The following NSMCE2 variants were observed in gnomAD, a reference collection of about 807,000 sequenced individuals.
NSMCE2 encodes the protein E3 SUMO-protein ligase NSE2.
In NSMCE2, 24 loss-of-function variants were observed where a neutral mutation model predicts 23.8. The observed-to-expected ratio is 1.01, with a 90% CI of 0.73 to 1.42. NSMCE2 has a LOEUF of 1.42. NSMCE2 is among the 40% of genes most tolerant of loss of function. NSMCE2 has a pLI of 0.00. For synonymous variants in NSMCE2, 92 were observed against 94.1 expected, an observed-to-expected ratio of 0.98 and a Z score of 0.13; for missense variants, 284 against 296.5, an observed-to-expected ratio of 0.96 and a Z score of 0.31.
rs116654617 is a variant in NSMCE2 at position 125,363,939 on chromosome 8, T to G, written c.627-2829T>G. 7.7e-3 allele frequency among the ~76,000 whole-genome samples: 1,166 copies of G among 152,142 alleles called. 11 individuals are homozygous for G. Among genetic ancestry groups the G allele is most frequent in the African/African-American group, 0.027 (1,106 of 41,506 alleles). On this transcript the variant is annotated intron_variant, in intron 7 of 7. Coordinates refer to ENST00000287437, the MANE Select transcript of NSMCE2 (RefSeq NM_173685.4). ...TACCTGAGTATGTAGGGCACTTTTT[T>G]TTTGTTTGTTTTGTTTTGTTTTGAG...
chr8:125,307,245 A>G (rs1828802143), intron 5 of NSMCE2, among the ~76,000 whole-genome samples: 1 of 152,200 alleles, frequency 6.6e-6, no homozygotes, highest in Admixed American at 6.5e-5. Context: ...CTTCTTTCCA[A>G]TCACATGTGC....
intron 3 of NSMCE2, among the ~76,000 whole-genome samples, 160 bp from the exon 4 acceptor site, chr8:125,151,011 T>G (rs924065978): frequency 3.3e-5 from 5 of 152,028 alleles, no homozygotes; most frequent in African/African-American, 1.2e-4. Context: ...TTTTTTTATT[T>G]TTTTTATTTT....
At chr8:125,220,755 T>TG (rs1258146585) in intron 5 of NSMCE2, among the ~76,000 whole-genome samples, 15 of 152,314 alleles carry the variant, frequency 9.8e-5, no homozygotes, top group Admixed American at 7.2e-4. Flanking sequence ...GAAATCCACT[T>TG]ATTCATTTAT....
chr8:125,178,492 G>T (rs1822602866), intron 4 of NSMCE2, among the ~76,000 whole-genome samples: 1 of 152,174 alleles, frequency 6.6e-6, no homozygotes, highest in Non-Finnish European at 1.5e-5. Flanking sequence ...AGTGTATTGT[G>T]TTTCTCTTAA....
intron 4 of NSMCE2, among the ~76,000 whole-genome samples, chr8:125,161,552 C>CT (rs1821628276): frequency 6.6e-6 from 1 of 152,058 alleles, no homozygotes; most frequent in Non-Finnish European, 1.5e-5. Context: ...AATTCCAGCA[C>CT]TTTGGGAGGC....
At chr8:125,267,703 G>A (rs1374887685) in intron 5 of NSMCE2, among the ~76,000 whole-genome samples, 1 of 152,156 alleles carries the variant, frequency 6.6e-6, no homozygotes, top group Non-Finnish European at 1.5e-5. Context: ...CTTGAGCCCA[G>A]GAGGTTGAGG....
At chr8:125,110,759 G>GTTTTTTT (rs1387354813) in intron 3 of NSMCE2, among the ~76,000 whole-genome samples, 5 of 58,128 alleles carry the variant, frequency 8.6e-5, no homozygotes, top group African/African-American at 2.9e-4. Context: ...TTTGGTTGTT[G>GTTTTTTT]TTGTTTTTTT....
intron 5 of NSMCE2, among the ~76,000 whole-genome samples, chr8:125,209,550 G>T (rs1381682746): frequency 3.3e-5 from 5 of 152,134 alleles, no homozygotes; most frequent in Non-Finnish European, 1.5e-5. Context: ...AATTTCCAAA[G>T]TACTTGATGT....
chr8:125,145,303 C>G (rs191348723), intron 3 of NSMCE2, among the ~76,000 whole-genome samples: 177 of 152,300 alleles, frequency 1.2e-3, no homozygotes, highest in African/African-American at 3.2e-3. Context: ...AGCCCTGGCA[C>G]TGGCATACTT....
chr8:125,294,003 C>T (rs2131172123), intron 5 of NSMCE2, among the ~76,000 whole-genome samples: 1 of 152,320 alleles, frequency 6.6e-6, no homozygotes, highest in South Asian at 2.1e-4. Flanking sequence ...TAGGCAACCA[C>T]TAAATCTACT....
At chr8:125,272,856 CAT>C (rs1328876681) in intron 5 of NSMCE2, among the ~76,000 whole-genome samples, 1 of 148,128 alleles carries the variant, frequency 6.8e-6, no homozygotes, top group African/African-American at 2.5e-5. Flanking sequence ...TACACACACA[CAT>C]ATATATACAC....
At chr8:125,161,952 G>A (rs1056634937) in intron 4 of NSMCE2, among the ~76,000 whole-genome samples, 8 of 151,988 alleles carry the variant, frequency 5.3e-5, no homozygotes, top group South Asian at 2.1e-4. Flanking sequence ...CAGTTGCCTC[G>A]GCTATTTGTG....
intron 3 of NSMCE2, among the ~76,000 whole-genome samples, chr8:125,108,562 C>A (rs1005974093): frequency 2.0e-5 from 3 of 152,192 alleles, no homozygotes; most frequent in African/African-American, 7.2e-5. Flanking sequence ...AAAATGCCTG[C>A]TTCATAAGAT....
intron 3 of NSMCE2, among the ~76,000 whole-genome samples, chr8:125,149,985 G>A (rs1359743919): frequency 1.3e-5 from 2 of 152,154 alleles, no homozygotes; most frequent in African/African-American, 4.8e-5. Flanking sequence ...GCTTCTGCCA[G>A]ACACCTGTGA....
At chr8:125,102,216 G>A (rs1048413295) in intron 2 of NSMCE2, 70 bp downstream of exon 2, 13 of 792,744 alleles carry the variant, frequency 1.6e-5, no homozygotes, top group Non-Finnish European at 2.8e-5. Flanking sequence ...ATGAGATATT[G>A]GATACATTTG....
intron 5 of NSMCE2, among the ~76,000 whole-genome samples, chr8:125,342,709 A>G (rs542269938): frequency 6.6e-6 from 1 of 151,096 alleles, no homozygotes; most frequent in East Asian, 2.0e-4. Flanking sequence ...TTTGTGGGGT[A>G]TGTTTTCTGT....
intron 3 of NSMCE2, chr8:125,124,185 G>C (rs1819406435): frequency 6.6e-6 from 1 of 151,916 alleles, no homozygotes; most frequent in Non-Finnish European, 1.5e-5. Flanking sequence ...CTTAGCATAA[G>C]GTTTTCAAGG....
At chr8:125,174,427 C>T (rs1046927577) in intron 4 of NSMCE2, among the ~76,000 whole-genome samples, 27 of 152,132 alleles carry the variant, frequency 1.8e-4, no homozygotes, top group African/African-American at 5.1e-4. Context: ...TCCACCAGTA[C>T]GGGAATTCTA....
chr8:125,328,716 C>G (rs1476930807), intron 5 of NSMCE2, among the ~76,000 whole-genome samples: 1 of 152,182 alleles, frequency 6.6e-6, no homozygotes, highest in African/African-American at 2.4e-5. Flanking sequence ...ATCGGTGTTT[C>G]ATCAGAAACA....
Sources: allele counts gnomAD v4.1 joint callset (sites outside exome capture counted in the v4.1 genomes callset), GRCh38; gene constraint gnomAD v4.1.1; transcripts MANE v1.5; gene names NCBI Gene and HGNC (gene_info 2026-07-23, HGNC 2026-07-21).